EPB42: variants seen among roughly 807,000 people sequenced by gnomAD.
The protein encoded by EPB42 is protein 4.2.
A neutral mutation model predicts 76.9 loss-of-function variants in EPB42; 49 were observed. That is an observed-to-expected ratio of 0.64 (90% confidence interval 0.51 to 0.81). The LOEUF is 0.81. Ranked by LOEUF, EPB42 falls within the 30% of genes least tolerant of loss-of-function variation. The pLI is 0.00. For missense variants in EPB42, 731 were observed against 867.6 expected (o/e 0.84, Z 1.98); for synonymous variants, 310 against 338.4 (o/e 0.92, Z 0.92).
At chr15:43,201,749 G>T in intron 12 of EPB42, 95 bp downstream of exon 12, 1 of 1,571,654 alleles carries the variant, frequency 6.4e-7, no homozygotes, top group Non-Finnish European at 8.8e-7. Flanking sequence ...TCTGCTGTCT[G>T]CATGGACATG....
chr15:43,208,388 G>A, intron 7 of EPB42, 55 bp from the exon 8 acceptor site: 1 of 1,573,376 alleles, frequency 6.4e-7, no homozygotes, highest in Non-Finnish European at 8.7e-7. Flanking sequence ...TGCTGAAGAG[G>A]TTCTGGAAAT....
rs775871506 is a variant in EPB42 at position 43,208,216 on chromosome 15, C to T, written c.1075+14G>A. 5 of 1,612,396 alleles carry T rather than the reference C, an allele frequency of 3.1e-6. No individual in the cohort carries two copies. Among genetic ancestry groups the T allele is most frequent in the Non-Finnish European group, 4.2e-6 (5 of 1,178,944 alleles). ...GCAGCCCTGCGTGGTCCTGGACCCA[C>T]CCCTAGGCTTTACCTCCACCTCCAT... On this transcript the variant is annotated intron_variant, in intron 8 of 12. Coordinates refer to ENST00000441366, the MANE Select transcript of EPB42 (RefSeq NM_001114134.2).
Position 43,203,223 on chromosome 15 carries a change from G to A in EPB42, c.1671C>T (p.Pro557=), listed in dbSNP as rs114345862. ...CGGTGAGTCTAAGGAAGGTGTTCTC[G>A]GGTGGGTTTCGCTCAAAATTGGAGA... ...LFFSNFERNP[P]ENTFLRLTAM... Residue 557 remains proline (P), a synonymous_variant, in exon 11 of 13, where the codon CCC becomes CCT. Coordinates refer to ENST00000441366, the MANE Select transcript of EPB42 (RefSeq NM_001114134.2). 1.4e-5 allele frequency: 22 copies of A among 1,614,142 alleles called. No homozygotes were observed. Among genetic ancestry groups the A allele is most frequent in the Non-Finnish European group, 1.7e-5 (20 of 1,180,036 alleles).
upstream of EPB42, chr15:43,221,070 C>A: frequency 1.2e-5 from 6 of 511,560 alleles, no homozygotes; most frequent in Admixed American, 3.2e-5. Flanking sequence ...TAACCCTGTT[C>A]ATTTTATCTC....
intron 1 of EPB42, among the ~76,000 whole-genome samples, chr15:43,217,447 G>A (rs2042396430): frequency 6.6e-6 from 1 of 152,120 alleles, no homozygotes; most frequent in African/African-American, 2.4e-5. Context: ...ATAGCAGTGT[G>A]AGAACCGACT....
In EPB42 at chr15:43,216,753, C is replaced by T. The variant is rs572243965; in HGVS notation, c.11-300G>A. On this transcript the variant is annotated intron_variant, in intron 1 of 12. Coordinates refer to ENST00000441366, the MANE Select transcript of EPB42 (RefSeq NM_001114134.2). ...TTGTTGTTATTATTATTAATAAGTG[C>T]GTTGCTTACTCTCATTGTTGGCCTC... 3.9e-5 allele frequency among the ~76,000 whole-genome samples: 6 copies of T among 152,250 alleles called. No homozygotes were observed. The East Asian group carries it at 5.8e-4, about 15-fold the overall frequency.
In EPB42 at chr15:43,208,280, C is replaced by A. The variant is rs116484797; in HGVS notation, c.1025G>T (p.Gly342Val). The A allele has an allele frequency of 7.7e-5, 124 of 1,614,026 alleles. No individual in the cohort carries two copies. The highest frequency in any genetic ancestry group is 1.0e-4 in the Non-Finnish European group (121 of 1,180,008). ...CWMTRPALPQ[G>V]YDGWQILHPS... ...GTGCAGAATCTGCCATCCATCATAA[C>A]CCTGGGGCAAGGCAGGCCGCGTCAT... is the stretch of plus-strand genomic sequence containing the variant. Residue 342 changes from glycine (G) to valine (V), a missense_variant, in exon 8 of 13, where the codon GGT (glycine) becomes GTT (valine). Coordinates refer to ENST00000441366, the MANE Select transcript of EPB42 (RefSeq NM_001114134.2).
intron 10 of EPB42, among the ~76,000 whole-genome samples, chr15:43,205,250 G>A (rs1211167785): frequency 6.6e-6 from 1 of 152,154 alleles, no homozygotes; most frequent in Non-Finnish European, 1.5e-5. Flanking sequence ...CTTGGAAAGG[G>A]AAGAGTGATA....
At chr15:43,220,747 T>A in intron 1 of EPB42, 69 bp downstream of exon 1, 1 of 1,548,784 alleles carries the variant, frequency 6.5e-7, no homozygotes, top group Non-Finnish European at 8.8e-7. Flanking sequence ...CTTCCTTTAA[T>A]GAAAACAGGT....
chr15:43,216,134 G>C (rs1005185584), intron 2 of EPB42, 134 bp downstream of exon 2: 39 of 1,082,518 alleles, frequency 3.6e-5, no homozygotes, highest in African/African-American at 6.2e-5. Flanking sequence ...TGACTGCCCT[G>C]CCAGGTGGGC....
chr15:43,219,943 T>A (rs1282897874), intron 1 of EPB42, among the ~76,000 whole-genome samples: 7 of 137,784 alleles, frequency 5.1e-5, no homozygotes, highest in Non-Finnish European at 7.9e-5. Flanking sequence ...AGACTCCGTT[T>A]AAAAAAAAAA....
chr15:43,207,529 A>G lies in EPB42; in HGVS notation c.1076-88T>C, dbSNP rs567999462. On this transcript the variant is annotated intron_variant, in intron 8 of 12. Transcript: ENST00000441366. The stretch of plus-strand genomic sequence containing the variant: ...TGCGTAACCTCAGTCCCCATCCTCT[A>G]GCCTATTTTCCCTCCACGAGGACCA... 52 of 1,593,450 alleles carry G rather than the reference A, an allele frequency of 3.3e-5. No individual in the cohort carries two copies. The African/African-American group carries it at 6.4e-4, about 20-fold the overall frequency.
chr15:43,209,168 GCGGC>G (rs2042252621), intron 6 of EPB42, 102 bp downstream of exon 6: 1 of 1,307,268 alleles, frequency 7.6e-7, no homozygotes, highest in Non-Finnish European at 1.1e-6. Context: ...ATGGGGAAAT[GCGGC>G]CGCAGGGAGG....
chr15:43,197,307 C>G lies in EPB42; in HGVS notation c.2071G>C (p.Ala691Pro), dbSNP rs753486485. ...GTGGTGATAGAGCTGGAAGTTTAAG[C>G]TGATAGTTCAGGGGCTACCACGGTG... is the stretch of plus-strand genomic sequence containing the variant. ...SVTVVAPELS[A>P] Residue 691 changes from alanine (A) to proline (P), a missense_variant, in exon 13 of 13, where the codon GCT (alanine) becomes CCT (proline). Physicochemically the swap from Ala to Pro is conservative, Grantham distance 27. Coordinates refer to ENST00000441366, the MANE Select transcript of EPB42 (RefSeq NM_001114134.2). 6.2e-7 allele frequency: 1 copy of G among 1,614,166 alleles called. No individual in the cohort carries two copies. The highest frequency in any genetic ancestry group is 8.5e-7 in the Non-Finnish European group (1 of 1,180,022).
intron 3 of EPB42, 34 bp from the exon 4 acceptor site, chr15:43,211,568 G>A (rs755943734): frequency 2.1e-6 from 3 of 1,404,192 alleles, no homozygotes; most frequent in Admixed American, 1.7e-5. Flanking sequence ...AGGGCCTGTG[G>A]GGGTCCTAGG....
At chr15:43,215,419 G>T (rs2042363671) in intron 2 of EPB42, 91 bp from the exon 3 acceptor site, 9 of 1,418,186 alleles carry the variant, frequency 6.3e-6, no homozygotes, top group Middle Eastern at 1.8e-4. Context: ...TGGAGCAGGT[G>T]AAATTTGTTT....
At position 43,203,156 on chromosome 15, in the gene EPB42, G is replaced by T. The variant is rs765521438; in HGVS notation, c.1738C>A (p.Gln580Lys). 2 of 1,614,126 alleles carry T rather than the reference G, an allele frequency of 1.2e-6. No individual in the cohort carries two copies. The highest frequency in any genetic ancestry group is 1.7e-6 in the Non-Finnish European group (2 of 1,180,026). Reference protein sequence around the residue: ...HSESNLSCFAQEDIAICRPHL... With the variant: ...HSESNLSCFAKEDIAICRPHL... Reference sequence around the variant, plus strand: ...GGTCTACAAATGGCAATGTCTTCCTGAGCAAAGCAGCTAAGGTTGGATTCA... The same window carrying T: ...GGTCTACAAATGGCAATGTCTTCCTTAGCAAAGCAGCTAAGGTTGGATTCA... Residue 580 changes from glutamine to lysine, a missense_variant, in exon 11 of 13, where the codon CAG becomes AAG. By Grantham distance (53) the Gln-to-Lys change is moderately conservative. Coordinates refer to ENST00000441366, the MANE Select transcript of EPB42 (RefSeq NM_001114134.2).
At chr15:43,209,209 C>A in intron 6 of EPB42, 65 bp downstream of exon 6, 1 of 1,588,420 alleles carries the variant, frequency 6.3e-7, no homozygotes, top group East Asian at 2.2e-5. Flanking sequence ...AGATGTCCTT[C>A]CCACATGGGA....
At chr15:43,224,717 A>G (rs1308503631), upstream of EPB42, among the ~76,000 whole-genome samples, 4 of 152,266 alleles carry the variant, frequency 2.6e-5, no homozygotes, top group Non-Finnish European at 5.9e-5. Context: ...CATAAAGGTG[A>G]AAAAGAATGA....
Sources: gnomAD v4.1 joint callset for allele counts (sites outside exome capture counted in the v4.1 genomes callset) on GRCh38, gnomAD v4.1.1 for gene constraint, MANE v1.5 for transcripts, NCBI Gene and HGNC (gene_info 2026-07-23, HGNC 2026-07-21) for gene names.